SUPT20H: variants seen among roughly 807,000 people sequenced by gnomAD.
The protein encoded by SUPT20H is transcription factor SPT20 homolog.
SUPT20H carries 82 observed loss-of-function variants against 122.8 expected under a neutral mutation model. The observed-to-expected ratio is 0.67, with a 90% CI of 0.56 to 0.80. The LOEUF (loss-of-function observed/expected upper bound fraction) is 0.80, where lower values mean the gene tolerates loss of function less well. SUPT20H is among the 30% of genes least tolerant of loss of function. The pLI is 0.00. For synonymous variants in SUPT20H, 291 were observed against 313.0 expected, an observed-to-expected ratio of 0.93 and a Z score of 0.74; for missense variants, 831 against 921.6, an observed-to-expected ratio of 0.90 and a Z score of 1.27.
intron 6 of SUPT20H, among the ~76,000 whole-genome samples, 180 bp from the exon 7 acceptor site, chr13:37,044,361 G>A (rs1314727272): frequency 6.6e-6 from 1 of 151,572 alleles, no homozygotes; most frequent in Non-Finnish European, 1.5e-5. Flanking sequence ...TCCTTCTTAA[G>A]GGGGAAAAAA....
chr13:37,036,462 C>CG (rs2064426403), intron 9 of SUPT20H, among the ~76,000 whole-genome samples: 1 of 152,052 alleles, frequency 6.6e-6, no homozygotes. Context: ...GTAGCTGGGA[C>CG]TACAAGCGCA....
chr13:37,055,317 C>G (rs2068695392), intron 1 of SUPT20H, among the ~76,000 whole-genome samples: 1 of 47,194 alleles, frequency 2.1e-5, no homozygotes, highest in Non-Finnish European at 6.5e-5. Flanking sequence ...CAAGTCAATC[C>G]TAAGCCAAAA....
At position 37,022,700 on chromosome 13, in the gene SUPT20H, T is replaced by C. The variant is rs971220059; in HGVS notation, c.1592-620A>G. Reference sequence around the variant, plus strand: ...TCAAGACTTCATTTAAAAATATTGCTTATTTAGTGTAAAAGTCTGAGATAA... The same window carrying C: ...TCAAGACTTCATTTAAAAATATTGCCTATTTAGTGTAAAAGTCTGAGATAA... On this transcript the variant is annotated intron_variant, in intron 19 of 25. Transcript: ENST00000350612. This position sits in a 1 kb window ranked among gnomAD's most constrained non-coding sequence, Gnocchi z 4.5. 3 of 990,030 alleles carry C rather than the reference T, an allele frequency of 3.0e-6. No individual in the cohort carries two copies. The African/African-American group carries it at 5.2e-5, about 17-fold the overall frequency. 61.3% of individuals were successfully genotyped at this position (990,030 alleles called of 1,614,324 possible). A position where few individuals can be genotyped will look rare whatever the true frequency, so the allele number is the denominator to read the frequency against.
At position 37,053,103 on chromosome 13, in the gene SUPT20H, C is replaced by T. The variant is rs142213873; in HGVS notation, c.-93-1520G>A. 9.5e-3 allele frequency among the ~76,000 whole-genome samples: 1,440 copies of T among 152,296 alleles called. 17 individuals are homozygous for T. The highest frequency in any genetic ancestry group is 0.024 in the South Asian group (118 of 4,830). Reference sequence around the variant, plus strand: ...AAATTAGTTCAACCATTGTGGAAGACGGTGTGGCAATTCCTCAAGGATCTA... The same window carrying T: ...AAATTAGTTCAACCATTGTGGAAGATGGTGTGGCAATTCCTCAAGGATCTA... On this transcript the variant is annotated intron_variant, in intron 1 of 25. Transcript: ENST00000350612.
At chr13:37,037,872 T>C (rs560124637) in intron 9 of SUPT20H, among the ~76,000 whole-genome samples, 1 of 152,238 alleles carries the variant, frequency 6.6e-6, no homozygotes, top group African/African-American at 2.4e-5. Context: ...CAATTAATAA[T>C]ATTGCTAAAT....
In SUPT20H at chr13:37,033,606, A is replaced by G. The variant is rs764297415; in HGVS notation, c.568-18T>C. The stretch of plus-strand genomic sequence containing the variant: ...TTGTCTTCCTGAAATGTGTAAGAGC[A>G]TATGTCAATACCAGATTTAAGATTT... On this transcript the variant is annotated intron_variant, in intron 9 of 25. Transcript: ENST00000350612. 1.7e-5 allele frequency: 28 copies of G among 1,609,678 alleles called. No homozygotes were observed. Among genetic ancestry groups the G allele is most frequent in the Non-Finnish European group, 2.1e-5 (25 of 1,178,140 alleles).
intron 10 of SUPT20H, 142 bp from the exon 11 acceptor site, chr13:37,032,037 G>C (rs1191042567): frequency 5.0e-6 from 3 of 603,304 alleles, no homozygotes; most frequent in Non-Finnish European, 7.8e-6. Context: ...CTAGGAACTA[G>C]GACTAGGTGA....
intron 12 of SUPT20H, among the ~76,000 whole-genome samples, chr13:37,030,915 TA>T (rs1209913612): frequency 3.9e-5 from 6 of 152,048 alleles, no homozygotes; most frequent in Admixed American, 1.3e-4. Context: ...TCAGAAATAG[TA>T]AGAATAATGC....
chr13:37,045,139 A>G, intron 6 of SUPT20H, 108 bp downstream of exon 6: 1 of 1,434,452 alleles, frequency 7.0e-7, no homozygotes, highest in Non-Finnish European at 9.5e-7. Flanking sequence ...CTAGGTCATC[A>G]CTATCTGAAG....
chr13:37,050,893 G>A (rs991912359), intron 2 of SUPT20H, among the ~76,000 whole-genome samples: 1 of 152,130 alleles, frequency 6.6e-6, no homozygotes, highest in African/African-American at 2.4e-5. Context: ...TAAATAACAT[G>A]GTGGTCAATG....
At position 37,022,912 on chromosome 13, in the gene SUPT20H, G is replaced by C; in HGVS notation, c.1592-832C>G. The C allele has an allele frequency of 2.6e-6, 3 of 1,142,760 alleles. No individual in the cohort carries two copies. The highest frequency in any genetic ancestry group is 3.3e-6 in the Non-Finnish European group (3 of 909,908). The allele number at this position is 1,142,760 out of a possible 1,614,324, so 70.8% of individuals were successfully genotyped here. Reference sequence around the variant, plus strand: ...AACTGTGTACTTCTGTTTAAATGTAGAATGTATAGAAAATCTGTTGTGAAT... The same window carrying C: ...AACTGTGTACTTCTGTTTAAATGTACAATGTATAGAAAATCTGTTGTGAAT... On this transcript the variant is annotated intron_variant, in intron 19 of 25. Coordinates refer to ENST00000350612, the MANE Select transcript of SUPT20H (RefSeq NM_001014286.3). The surrounding 1 kb of genome is among the most constrained non-coding windows in gnomAD (Gnocchi z 4.5).
chr13:37,056,588 G>T (rs2139494742), intron 1 of SUPT20H, among the ~76,000 whole-genome samples: 1 of 152,074 alleles, frequency 6.6e-6, no homozygotes, highest in Admixed American at 6.5e-5. Context: ...ACACAGGAAG[G>T]GGAACTTCAC....
In SUPT20H at chr13:37,028,315, G is replaced by A. The variant is rs780813794; in HGVS notation, c.994-10C>T. ...AATCATCTTTTACATCCTGAAAAAT[G>A]CATAGCACCTCAAATAAATACCTTC... is the stretch of plus-strand genomic sequence containing the variant. On this transcript the variant is annotated splice_polypyrimidine_tract_variant and intron_variant, in intron 13 of 25. Coordinates refer to ENST00000350612, the MANE Select transcript of SUPT20H (RefSeq NM_001014286.3). The A allele has an allele frequency of 1.3e-6, 2 of 1,599,788 alleles. No individual in the cohort carries two copies. The highest frequency in any genetic ancestry group is 1.8e-5 in the Admixed American group (1 of 56,562).
chr13:37,014,672 C>G (rs1385821632), intron 23 of SUPT20H, among the ~76,000 whole-genome samples: 1 of 152,070 alleles, frequency 6.6e-6, no homozygotes, highest in African/African-American at 2.4e-5. Context: ...CACAGCATAT[C>G]AAAATTTGTG....
intron 1 of SUPT20H, among the ~76,000 whole-genome samples, chr13:37,056,426 T>A (rs2069048241): frequency 1.3e-5 from 2 of 152,204 alleles, no homozygotes; most frequent in South Asian, 4.1e-4. Context: ...CATGGAATAC[T>A]ATGCAGCCAT....
chr13:37,031,537 T>C (rs1490541720), intron 12 of SUPT20H, 30 bp downstream of exon 12: 2 of 1,449,882 alleles, frequency 1.4e-6, no homozygotes, highest in East Asian at 2.4e-5. Context: ...AAACTTTATA[T>C]GAAAAAAAGT....
chr13:37,011,255 C>G (rs2059581607), intron 24 of SUPT20H, among the ~76,000 whole-genome samples: 2 of 151,880 alleles, frequency 1.3e-5, no homozygotes, highest in Admixed American at 1.3e-4. Context: ...CAGTCTGTGG[C>G]TAAGAACATT....
At chr13:37,029,622 T>G (rs2062943573) in intron 13 of SUPT20H, 143 bp downstream of exon 13, 3 of 598,330 alleles carry the variant, frequency 5.0e-6, no homozygotes, top group Admixed American at 7.8e-5. Context: ...TGTTTCTTCT[T>G]GTAATAAACT....
rs148591259 is a variant in SUPT20H at position 37,047,806 on chromosome 13, G to A, written c.98+72C>T. 319 of 1,442,636 alleles carry A rather than the reference G, an allele frequency of 2.2e-4. 2 individuals carry two copies. The South Asian group carries it at 3.5e-3, about 16-fold the overall frequency. 89.4% of individuals were successfully genotyped at this position (1,442,636 alleles called of 1,614,324 possible). On this transcript the variant is annotated intron_variant, in intron 4 of 25. Coordinates refer to ENST00000350612, the MANE Select transcript of SUPT20H (RefSeq NM_001014286.3). Reference sequence around the variant, plus strand: ...ATAAAATTTCTAGCTCAGTCCCTACGAGGAATGCAATAAAAGGTAGCTATC... The same window carrying A: ...ATAAAATTTCTAGCTCAGTCCCTACAAGGAATGCAATAAAAGGTAGCTATC...
Sources: gnomAD v4.1 joint callset for allele counts (sites outside exome capture counted in the v4.1 genomes callset) on GRCh38, gnomAD v4.1.1 for gene constraint, Gnocchi (gnomAD v3.1) non-coding constraint, MANE v1.5 for transcripts, NCBI Gene and HGNC (gene_info 2026-07-23, HGNC 2026-07-21) for gene names.